The following SHANK1 variants were observed in gnomAD, a reference collection of about 807,000 sequenced individuals.
The protein encoded by SHANK1 is SH3 and multiple ankyrin repeat domains protein 1.
Under a neutral mutation model 165.6 loss-of-function variants are expected in SHANK1, and 35 were observed. The ratio of observed to expected loss-of-function variants is 0.21; its 90% CI spans 0.16 to 0.28. The LOEUF is 0.28. SHANK1 is among the 10% of genes least tolerant of loss of function. The pLI, the probability that SHANK1 is intolerant of heterozygous loss-of-function variation, is 1.00. For synonymous variants in SHANK1, 1,428 were observed against 1,384.8 expected, an observed-to-expected ratio of 1.03 and a Z score of -0.69; for missense variants, 2,681 against 3,036.4, an observed-to-expected ratio of 0.88 and a Z score of 2.75.
In SHANK1 at chr19:50,668,770, G is replaced by C. The variant is rs1314125008; in HGVS notation, c.3190C>G (p.Pro1064Ala). The change falls in exon 23 of 24, where the codon CCA (proline) becomes GCA (alanine). Residue 1064 changes from proline to alanine, a missense_variant. Coordinates refer to ENST00000293441, the MANE Select transcript of SHANK1 (RefSeq NM_016148.5). The part of the protein sequence containing the change: ...GPSPTPGAPS[P>A]SHHGSAGGGG... Reference sequence around the variant, plus strand: ...CCGCCCGCGCTGCCGTGGTGCGATGGGGACGGGGCCCCCGGGGTCGGGCTG... The same window carrying C: ...CCGCCCGCGCTGCCGTGGTGCGATGCGGACGGGGCCCCCGGGGTCGGGCTG... The C allele has an allele frequency of 4.7e-6, 6 of 1,270,642 alleles. No homozygotes were observed. Among genetic ancestry groups the C allele is most frequent in the African/African-American group, 4.7e-5 (3 of 64,212 alleles). 78.7% of individuals were successfully genotyped at this position (1,270,642 alleles called of 1,614,324 possible).
chr19:50,684,728 C>T (rs543432535), intron 21 of SHANK1, among the ~76,000 whole-genome samples: 3 of 152,212 alleles, frequency 2.0e-5, no homozygotes, highest in South Asian at 4.2e-4. Context: ...TGCCTGTATC[C>T]CCAGTAGGAA....
chr19:50,708,525 C>T (rs1237566040), intron 8 of SHANK1, among the ~76,000 whole-genome samples: 14 of 135,570 alleles, frequency 1.0e-4, no homozygotes, highest in Admixed American at 7.7e-4. Flanking sequence ...AGGCCAGATG[C>T]TGTGTCTGAT....
intron 6 of SHANK1, among the ~76,000 whole-genome samples, chr19:50,712,562 C>G (rs1264735520): frequency 6.6e-6 from 1 of 152,212 alleles, no homozygotes; most frequent in African/African-American, 2.4e-5. Context: ...CAGCAGGAAG[C>G]CAGGGGACAG....
At chr19:50,712,175 C>T in intron 6 of SHANK1, 61 bp from the exon 7 acceptor site, 1 of 1,512,676 alleles carries the variant, frequency 6.6e-7, no homozygotes, top group Non-Finnish European at 8.9e-7. Context: ...TTAACCAGCT[C>T]ATTCTGAAGG....
At chr19:50,691,417 C>T (rs1986535342) in intron 15 of SHANK1, among the ~76,000 whole-genome samples, 1 of 152,092 alleles carries the variant, frequency 6.6e-6, no homozygotes, top group South Asian at 2.1e-4. Flanking sequence ...TTCACTCATG[C>T]CACAAACCCC....
intron 12 of SHANK1, among the ~76,000 whole-genome samples, chr19:50,701,241 G>A (rs1372524047): frequency 6.8e-6 from 1 of 146,346 alleles, no homozygotes; most frequent in Non-Finnish European, 1.5e-5. Context: ...TGTCAGCCAG[G>A]TGTGATCTTG....
rs1337863399 is a variant in SHANK1, at chr19:50,714,143, C to T, written c.640+39G>A. 1.9e-6 allele frequency: 3 copies of T among 1,593,020 alleles called. No individual in the cohort carries two copies. In the East Asian group the frequency reaches 6.7e-5, roughly 36 times the overall value. ...TGGCACCCCTGCTCCCCAGCTCTGTCCTGGCCCTGAGGTCCTCCTGATGCG... is the reference window on the plus strand; with the variant it reads ...TGGCACCCCTGCTCCCCAGCTCTGTTCTGGCCCTGAGGTCCTCCTGATGCG... On this transcript the variant is annotated intron_variant, in intron 5 of 23. Coordinates refer to ENST00000293441, the MANE Select transcript of SHANK1 (RefSeq NM_016148.5).
In SHANK1 at chr19:50,705,200, G is replaced by C. The variant is rs538718125; in HGVS notation, c.1078-686C>G. Among the ~76,000 whole-genome samples the C allele has an allele frequency of 3.3e-5, 5 of 151,924 alleles. No individual in the cohort carries two copies. The East Asian group carries it at 9.7e-4, about 29-fold the overall frequency. On this transcript the variant is annotated intron_variant, in intron 8 of 23. Transcript: ENST00000293441. ...TATCAGAAAATACAAAAATTAGCCA[G>C]GCGTGGTGGTGGGCGTGTGTAATCC...
Position 50,702,324 on chromosome 19 carries a change from A to T in SHANK1, c.1747+143T>A. 2 of 689,288 alleles carry T rather than the reference A, an allele frequency of 2.9e-6. No homozygotes were observed. Among genetic ancestry groups the T allele is most frequent in the Non-Finnish European group, 4.8e-6 (2 of 419,218 alleles). 42.7% of individuals were successfully genotyped at this position (689,288 alleles called of 1,614,324 possible). A position where few individuals can be genotyped will look rare whatever the true frequency, so the allele number is the denominator to read the frequency against. Reference sequence around the variant, plus strand: ...TACACTCTATGGTCCTCCAAGCCTCAAGGGGTGTCCTGGGGCTCTCTGAGG... The same window carrying T: ...TACACTCTATGGTCCTCCAAGCCTCTAGGGGTGTCCTGGGGCTCTCTGAGG... On this transcript the variant is annotated intron_variant, in intron 12 of 23. Coordinates refer to ENST00000293441, the MANE Select transcript of SHANK1 (RefSeq NM_016148.5). The surrounding 1 kb of genome is among the most constrained non-coding windows in gnomAD (Gnocchi z 5.3).
Position 50,660,856 on chromosome 19 carries a change from T to C in SHANK1, c.*1109A>G, listed in dbSNP as rs1985181546. 7.1e-6 allele frequency among the ~76,000 whole-genome samples: 1 copy of C among 140,826 alleles called. No homozygotes were observed. The highest frequency in any genetic ancestry group is 2.3e-4 in the South Asian group (1 of 4,428). 92.4% of individuals were successfully genotyped at this position (140,826 alleles called of 152,430 possible). ...CTGGCAAAGAAGAAGAGAATGAGCA[T>C]GTGTGAGAGAAACAGTTTCTGGGAG... is the stretch of plus-strand genomic sequence containing the variant. On this transcript the variant is annotated 3_prime_UTR_variant, in exon 24 of 24. Transcript: ENST00000293441.
chr19:50,706,523 C>T (rs532730090), intron 8 of SHANK1, among the ~76,000 whole-genome samples: 7 of 152,200 alleles, frequency 4.6e-5, no homozygotes, highest in Admixed American at 3.9e-4. Flanking sequence ...TCATCTTCTA[C>T]CACCTGCCCT....
chr19:50,699,834 A>G (rs182731092), intron 12 of SHANK1, among the ~76,000 whole-genome samples: 11 of 89,050 alleles, frequency 1.2e-4, no homozygotes, highest in Admixed American at 5.0e-4. Context: ...TTAGAGGATT[A>G]GAGGGTTTGG....
chr19:50,686,718 C>G lies in SHANK1; in HGVS notation c.2458+26G>C. ...GTGCCGGGGCTGGGGCCCGGCATCC[C>G]GAGGAGCAGGGCTGGGCCGTCTTAC... is the stretch of plus-strand genomic sequence containing the variant. On this transcript the variant is annotated intron_variant, in intron 20 of 23. Transcript: ENST00000293441. The surrounding 1 kb of genome is among the most constrained non-coding windows in gnomAD (Gnocchi z 5.7). 1.2e-6 allele frequency: 2 copies of G among 1,609,740 alleles called. No homozygotes were observed. The highest frequency in any genetic ancestry group is 1.1e-5 in the South Asian group (1 of 90,898).
chr19:50,667,373 G>A lies in SHANK1; in HGVS notation c.4587C>T (p.Pro1529=), dbSNP rs1284724387. The A allele has an allele frequency of 1.3e-6, 2 of 1,533,112 alleles. No homozygotes were observed. Among genetic ancestry groups the A allele is most frequent in the East Asian group, 4.6e-5 (2 of 43,616 alleles). 95.0% of individuals were successfully genotyped at this position (1,533,112 alleles called of 1,614,324 possible). ...PPPSPRRSVP[P]SPTSPRASEE... Reference sequence around the variant, plus strand: ...CGCTGGCCCTCGGGGAGGTCGGGGAGGGGGGCACGGACCGGCGTGGGCTGG... The same window carrying A: ...CGCTGGCCCTCGGGGAGGTCGGGGAAGGGGGCACGGACCGGCGTGGGCTGG... The change falls in exon 23 of 24, where the codon CCC becomes CCT. Residue 1529 remains proline (P), a synonymous_variant. Coordinates refer to ENST00000293441, the MANE Select transcript of SHANK1 (RefSeq NM_016148.5). The surrounding 1 kb of genome is among the most constrained non-coding windows in gnomAD (Gnocchi z 5.7).
intron 23 of SHANK1, among the ~76,000 whole-genome samples, chr19:50,665,737 T>TAAAGAAAAAAAAAAAAAAAAAAAAA (rs1985465146): frequency 1.0e-5 from 1 of 98,180 alleles, no homozygotes; most frequent in African/African-American, 4.7e-5. Context: ...ACCCTGTTTC[T>TAAAGAAAAAAAAAAAAAAAAAAAAA]AAAAAAAAAA....
Position 50,667,812 on chromosome 19 carries a change from G to A in SHANK1, c.4148C>T (p.Pro1383Leu). ...APQPPPRPPS[P>L]RYEAPPPTPH... ...GGTGGGCGGCGGGGCCTCGTAGCGG[G>A]GCGATGGGGGCCTGGGAGGCGGCTG... Residue 1383 changes from proline to leucine, a missense_variant, in exon 23 of 24, where the codon CCC (proline) becomes CTC (leucine). Around this residue, in one of 10 missense-constraint regions of SHANK1, gnomAD observed 1,713 missense variants for 1,630.2 expected, o/e 1.05. Transcript: ENST00000293441. The surrounding 1 kb of genome is among the most constrained non-coding windows in gnomAD (Gnocchi z 5.7). 1 of 1,297,174 alleles carries A rather than the reference G, an allele frequency of 7.7e-7. No homozygotes were observed. The highest frequency in any genetic ancestry group is 1.5e-5 in the African/African-American group (1 of 64,586). 80.4% of individuals were successfully genotyped at this position (1,297,174 alleles called of 1,614,324 possible).
chr19:50,687,821 C>T, intron 18 of SHANK1, 102 bp downstream of exon 18: 1 of 1,491,884 alleles, frequency 6.7e-7, no homozygotes, highest in Non-Finnish European at 9.1e-7. Context: ...AGAAGCAGTG[C>T]TAGGGAAGGG....
At chr19:50,705,348 A>T (rs980028388) in intron 8 of SHANK1, among the ~76,000 whole-genome samples, 2 of 152,330 alleles carry the variant, frequency 1.3e-5, no homozygotes, top group Admixed American at 1.3e-4. Flanking sequence ...TCTCAAAAAA[A>T]AATAATAATT....
At chr19:50,700,546 G>T (rs1599864264) in intron 12 of SHANK1, among the ~76,000 whole-genome samples, 2 of 152,018 alleles carry the variant, frequency 1.3e-5, no homozygotes, top group African/African-American at 4.8e-5. Context: ...GAGGCCAGGT[G>T]AAGACTCTGG....
Sources: gnomAD v4.1 joint callset for allele counts (sites outside exome capture counted in the v4.1 genomes callset) on GRCh38, gnomAD v4.1.1 for gene constraint, gnomAD v4.1.1 regional missense constraint, Gnocchi (gnomAD v3.1) non-coding constraint, MANE v1.5 for transcripts, NCBI Gene and HGNC (gene_info 2026-07-23, HGNC 2026-07-21) for gene names.